RNLS: variants seen among roughly 807,000 people sequenced by gnomAD.
RNLS encodes renalase, FAD dependent amine oxidase.
In RNLS, 39 loss-of-function variants were observed where a neutral mutation model predicts 39.8. That is an observed-to-expected ratio of 0.98 (90% CI 0.76 to 1.28). The LOEUF (loss-of-function observed/expected upper bound fraction) is 1.28. RNLS is among the 50% of genes most tolerant of loss of function. The pLI, the probability that RNLS is intolerant of heterozygous loss-of-function variation, is 0.00. For synonymous variants in RNLS, 147 were observed against 150.7 expected, an observed-to-expected ratio of 0.98 and a Z score of 0.18; for missense variants, 410 against 413.3, an observed-to-expected ratio of 0.99 and a Z score of 0.07.
the RNLS span, among the ~76,000 whole-genome samples, chr10:88,195,189 A>G: frequency 2.6e-5 from 4 of 152,224 alleles, no homozygotes; most frequent in Non-Finnish European, 4.4e-5. Flanking sequence ...AGGAAAAGTA[A>G]AAAGGAAAGC....
At chr10:88,301,522 C>T (rs1457433791) in intron 6 of RNLS, among the ~76,000 whole-genome samples, 5 of 152,184 alleles carry the variant, frequency 3.3e-5, no homozygotes, top group Non-Finnish European at 1.5e-5. Context: ...ACTCTTGTGG[C>T]CATAATTTCT....
chr10:88,516,058 T>A (rs1312214165), intron 4 of RNLS, among the ~76,000 whole-genome samples: 1 of 151,906 alleles, frequency 6.6e-6, no homozygotes, highest in East Asian at 1.9e-4. Flanking sequence ...AAGGCAACCA[T>A]CTGCAAGCCA....
At chr10:88,421,732 TATCA>T (rs1377844646) in intron 4 of RNLS, among the ~76,000 whole-genome samples, 2 of 152,202 alleles carry the variant, frequency 1.3e-5, no homozygotes, top group Non-Finnish European at 2.9e-5. Context: ...ACCAATTTTA[TATCA>T]TGGCATTTAA....
At chr10:88,363,390 A>C (rs556778392) in intron 4 of RNLS, among the ~76,000 whole-genome samples, 1 of 152,154 alleles carries the variant, frequency 6.6e-6, no homozygotes, top group South Asian at 2.1e-4. Context: ...GCACATGTAC[A>C]CCTGAACTTA....
At chr10:88,244,626 T>C in the RNLS span, among the ~76,000 whole-genome samples, 1 of 151,872 alleles carries the variant, frequency 6.6e-6, no homozygotes, top group Non-Finnish European at 1.5e-5. Flanking sequence ...TGCTGTATCA[T>C]CTCGATATTA....
the RNLS span, among the ~76,000 whole-genome samples, chr10:88,241,510 G>A: frequency 5.9e-5 from 9 of 151,804 alleles, no homozygotes; most frequent in Non-Finnish European, 1.0e-4. Flanking sequence ...TTCATGTCTA[G>A]TACTGTTTAT....
At chr10:88,548,016 CT>C (rs1008926181) in intron 4 of RNLS, among the ~76,000 whole-genome samples, 2 of 151,826 alleles carry the variant, frequency 1.3e-5, no homozygotes, top group African/African-American at 2.4e-5. Context: ...AATCCCAGCA[CT>C]TTGGGAGGCT....
intron 4 of RNLS, among the ~76,000 whole-genome samples, chr10:88,469,661 TA>T (rs2133971351): frequency 6.6e-6 from 1 of 152,318 alleles, no homozygotes; most frequent in African/African-American, 2.4e-5. Flanking sequence ...CAAATTTACT[TA>T]AACATCAAAA....
intron 4 of RNLS, among the ~76,000 whole-genome samples, chr10:88,544,352 G>C (rs1415233679): frequency 6.6e-6 from 1 of 152,168 alleles, no homozygotes; most frequent in Non-Finnish European, 1.5e-5. Flanking sequence ...GTCTGTGGCA[G>C]AGATAAATGC....
At chr10:88,513,309 C>G (rs1211774390) in intron 4 of RNLS, among the ~76,000 whole-genome samples, 1 of 152,118 alleles carries the variant, frequency 6.6e-6, no homozygotes, top group Admixed American at 6.6e-5. Flanking sequence ...TTTAAAACAG[C>G]TGTCATGTTC....
At chr10:88,195,338 G>A in the RNLS span, among the ~76,000 whole-genome samples, 1 of 152,182 alleles carries the variant, frequency 6.6e-6, no homozygotes, top group Admixed American at 6.5e-5. Context: ...TTGTCCAGTT[G>A]TAGTGCAACT....
chr10:88,517,349 G>A (rs1456218031), intron 4 of RNLS, among the ~76,000 whole-genome samples: 2 of 151,786 alleles, frequency 1.3e-5, no homozygotes, highest in Admixed American at 1.3e-4. Flanking sequence ...AATCAACATT[G>A]TCCTTGGATG....
the RNLS span, among the ~76,000 whole-genome samples, chr10:88,238,190 G>GT: frequency 6.6e-6 from 1 of 152,102 alleles, no homozygotes; most frequent in African/African-American, 2.4e-5. Flanking sequence ...TTTAAAATTT[G>GT]TTTTTTTAAT....
intron 4 of RNLS, among the ~76,000 whole-genome samples, chr10:88,515,243 A>C (rs1589935884): frequency 6.6e-6 from 1 of 152,018 alleles, no homozygotes; most frequent in East Asian, 1.9e-4. Flanking sequence ...TCCAAGCATA[A>C]ATTTATTTTT....
At chr10:88,199,436 G>T in the RNLS span, among the ~76,000 whole-genome samples, 1 of 152,166 alleles carries the variant, frequency 6.6e-6, no homozygotes, top group African/African-American at 2.4e-5. Flanking sequence ...AGCAACTCTG[G>T]CCAGTAGTAC....
intron 4 of RNLS, among the ~76,000 whole-genome samples, chr10:88,489,861 G>A (rs774346983): frequency 6.6e-6 from 1 of 152,064 alleles, no homozygotes; most frequent in East Asian, 1.9e-4. Context: ...GAGGCAAGAC[G>A]GAAAATTCAA....
At chr10:88,371,305 A>G (rs1168645643) in intron 4 of RNLS, among the ~76,000 whole-genome samples, 2 of 152,164 alleles carry the variant, frequency 1.3e-5, no homozygotes, top group African/African-American at 4.8e-5. Flanking sequence ...CTATGTGTAT[A>G]TCACACTTTA....
the RNLS span, among the ~76,000 whole-genome samples, chr10:88,175,134 T>G: frequency 4.0e-4 from 61 of 152,272 alleles, no homozygotes; most frequent in African/African-American, 1.4e-3. Context: ...TTTATTTATT[T>G]GGATCTTCTC....
intron 4 of RNLS, among the ~76,000 whole-genome samples, chr10:88,471,630 C>T (rs1478994736): frequency 6.6e-6 from 1 of 152,174 alleles, no homozygotes; most frequent in Non-Finnish European, 1.5e-5. Flanking sequence ...TTACAGGCTT[C>T]AGAAAAGCTG....
Sources: gnomAD v4.1 joint callset for allele counts (sites outside exome capture counted in the v4.1 genomes callset) on GRCh38, gnomAD v4.1.1 for gene constraint, MANE v1.5 for transcripts, NCBI Gene and HGNC (gene_info 2026-07-23, HGNC 2026-07-21) for gene names.